The following AFAP1 variants were observed in gnomAD, a reference collection of about 807,000 sequenced individuals.
AFAP1 encodes actin filament-associated protein 1.
AFAP1 carries 75 observed loss-of-function variants against 93.9 expected under a neutral mutation model. The ratio of observed to expected loss-of-function variants is 0.80; its 90% CI spans 0.66 to 0.97. The LOEUF (loss-of-function observed/expected upper bound fraction) is 0.97, where lower values mean the gene tolerates loss of function less well. Among genes scored for constraint, AFAP1 ranks in the 50% least tolerant of loss-of-function variants. AFAP1 has a pLI of 0.00. For synonymous variants in AFAP1, 517 were observed against 430.7 expected, an observed-to-expected ratio of 1.20 and a Z score of -2.48; for missense variants, 1,201 against 1,050.8, an observed-to-expected ratio of 1.14 and a Z score of -1.98.
At chr4:7,915,489 G>A (rs1445030469) in intron 1 of AFAP1, among the ~76,000 whole-genome samples, 2 of 105,548 alleles carry the variant, frequency 1.9e-5, no homozygotes, top group East Asian at 3.9e-4. Context: ...AAAAAAAAAA[G>A]AAGAAGAAGA....
intron 3 of AFAP1, among the ~76,000 whole-genome samples, chr4:7,861,597 A>G (rs1382993643): frequency 6.6e-6 from 1 of 152,250 alleles, no homozygotes; most frequent in East Asian, 1.9e-4. Flanking sequence ...ACAAAGAATG[A>G]AAGCCCTGTG....
chr4:7,793,695 G>A lies in AFAP1; in HGVS notation c.1398C>T (p.Ala466=). 1 of 1,550,348 alleles carries A rather than the reference G, an allele frequency of 6.5e-7. No individual in the cohort carries two copies. Among genetic ancestry groups the A allele is most frequent in the Admixed American group, 1.7e-5 (1 of 59,088 alleles). Residue 466 remains alanine, a synonymous_variant, in exon 11 of 18, where the codon GCC becomes GCT. Coordinates refer to ENST00000420658, the MANE Select transcript of AFAP1 (RefSeq NM_001134647.2). ...GTGGGTCTTACCAGAAGGTCTGTTT[G>A]GCTGTCTGAATGACACTTGCAGACA... The part of the protein sequence containing the change: ...VEMSASVIQT[A]KQTFCFMNRR...
chr4:7,903,603 TG>T (rs1241522569), intron 1 of AFAP1, among the ~76,000 whole-genome samples: 1 of 152,156 alleles, frequency 6.6e-6, no homozygotes, highest in Non-Finnish European at 1.5e-5. Flanking sequence ...CACTTGAACC[TG>T]GGAGGTAGAG....
intron 6 of AFAP1, among the ~76,000 whole-genome samples, chr4:7,828,755 C>G (rs1721646926): frequency 6.6e-6 from 1 of 152,172 alleles, no homozygotes; most frequent in Admixed American, 6.5e-5. Context: ...GATGAAGAAA[C>G]AGAGGCACTG....
chr4:7,841,374 C>T (rs868739839), intron 5 of AFAP1, among the ~76,000 whole-genome samples: 2 of 152,232 alleles, frequency 1.3e-5, no homozygotes, highest in Non-Finnish European at 2.9e-5. Context: ...TCAATGCAGA[C>T]AGTCCCCGAG....
At chr4:7,798,796 C>T (rs529685451) in intron 10 of AFAP1, 2 of 775,336 alleles carry the variant, frequency 2.6e-6, no homozygotes, top group African/African-American at 3.8e-5. Context: ...GGGCAGGTGA[C>T]TTCTTCACCA....
At chr4:7,788,757 A>C (rs1404258484) in intron 11 of AFAP1, 1 of 151,578 alleles carries the variant, frequency 6.6e-6, no homozygotes, top group Non-Finnish European at 1.5e-5. Flanking sequence ...GAGGCAGTAA[A>C]TGGAGGAATG....
chr4:7,889,248 A>T (rs910293294), intron 1 of AFAP1, among the ~76,000 whole-genome samples: 1 of 152,092 alleles, frequency 6.6e-6, no homozygotes, highest in Non-Finnish European at 1.5e-5. Flanking sequence ...TGAGGAATAC[A>T]GGGGGGTTGT....
intron 1 of AFAP1, among the ~76,000 whole-genome samples, chr4:7,882,874 G>A (rs925412028): frequency 6.6e-6 from 1 of 151,224 alleles, no homozygotes; most frequent in Middle Eastern, 3.2e-3. Context: ...AAATGCAAAG[G>A]TGATTCAATA....
At chr4:7,832,122 T>A (rs952192254) in intron 6 of AFAP1, among the ~76,000 whole-genome samples, 4 of 152,086 alleles carry the variant, frequency 2.6e-5, no homozygotes, top group Non-Finnish European at 5.9e-5. Flanking sequence ...AGAAGTCCCT[T>A]GTGAGTGTAA....
intron 4 of AFAP1, among the ~76,000 whole-genome samples, chr4:7,844,606 G>A (rs761695993): frequency 3.3e-5 from 5 of 152,172 alleles, no homozygotes; most frequent in African/African-American, 7.2e-5. Flanking sequence ...TCTCGTTGGC[G>A]GTGATCTCCC....
chr4:7,806,231 G>A (rs141738315), intron 9 of AFAP1, among the ~76,000 whole-genome samples: 115 of 152,350 alleles, frequency 7.5e-4, no homozygotes, highest in Non-Finnish European at 1.3e-3. Context: ...TGCAGGGTTA[G>A]GCGGGCGGAC....
Position 7,869,233 on chromosome 4 carries a change from G to A in AFAP1, c.128-514C>T, listed in dbSNP as rs116572432. ...GGGATGGATGGAGGGAAGGAGGAAG[G>A]GGAAGGAGGAAGGGGAAGGGGTGTA... On this transcript the variant is annotated intron_variant, in intron 2 of 17. Transcript: ENST00000420658. 5.8e-3 allele frequency among the ~76,000 whole-genome samples: 880 copies of A among 151,696 alleles called. 7 individuals are homozygous for A. The highest frequency in any genetic ancestry group is 0.019 in the African/African-American group (773 of 41,286).
intron 6 of AFAP1, among the ~76,000 whole-genome samples, chr4:7,823,507 T>C (rs191563241): frequency 6.6e-6 from 1 of 152,220 alleles, no homozygotes; most frequent in African/African-American, 2.4e-5. Flanking sequence ...CACTCAGCCC[T>C]ACCCTAACAC....
chr4:7,855,931 C>T (rs1303135547), intron 3 of AFAP1, among the ~76,000 whole-genome samples: 1 of 152,240 alleles, frequency 6.6e-6, no homozygotes, highest in Non-Finnish European at 1.5e-5. Context: ...GTCTGCACTC[C>T]CCTTCATCCC....
chr4:7,765,744 A>G (rs1714462546), intron 17 of AFAP1, among the ~76,000 whole-genome samples: 1 of 152,230 alleles, frequency 6.6e-6, no homozygotes, highest in Non-Finnish European at 1.5e-5. Context: ...GAAGGCACAG[A>G]CGCCAGGGCC....
intron 9 of AFAP1, among the ~76,000 whole-genome samples, chr4:7,805,618 C>A (rs1260517625): frequency 6.6e-6 from 1 of 152,164 alleles, no homozygotes; most frequent in Non-Finnish European, 1.5e-5. Context: ...AAGTATTGAG[C>A]CATTTCCTAG....
At chr4:7,777,539 A>C (rs1179846733) in intron 14 of AFAP1, 2 of 152,218 alleles carry the variant, frequency 1.3e-5, no homozygotes, top group Non-Finnish European at 2.9e-5. Flanking sequence ...GAATGTCGGC[A>C]CGTGTCGGTA....
chr4:7,875,516 G>C (rs1212902257), intron 1 of AFAP1, among the ~76,000 whole-genome samples: 3 of 152,068 alleles, frequency 2.0e-5, no homozygotes, highest in African/African-American at 7.2e-5. Flanking sequence ...CACTTTGAGA[G>C]GCTGAGGCAG....
Sources: allele counts gnomAD v4.1 joint callset (sites outside exome capture counted in the v4.1 genomes callset), GRCh38; gene constraint gnomAD v4.1.1; transcripts MANE v1.5; gene names NCBI Gene and HGNC (gene_info 2026-07-23, HGNC 2026-07-21).